The following UPP2 variants were observed in gnomAD, a reference collection of about 807,000 sequenced individuals.
UPP2 encodes UPase 2.
In UPP2, 23 loss-of-function variants were observed where a neutral mutation model predicts 26.7. The observed-to-expected ratio is 0.86, with a 90% confidence interval of 0.62 to 1.22. The LOEUF (loss-of-function observed/expected upper bound fraction) is 1.22. UPP2 is among the 50% of genes most tolerant of loss of function. UPP2 has a pLI of 0.00. For synonymous variants in UPP2, 127 were observed against 141.3 expected (o/e 0.90, Z 0.72); for missense variants, 387 against 396.7 (o/e 0.98, Z 0.21).
At chr2:158,115,737 A>G (rs1683416253) in intron 3 of UPP2, among the ~76,000 whole-genome samples, 1 of 152,224 alleles carries the variant, frequency 6.6e-6, no homozygotes, top group South Asian at 2.1e-4. Flanking sequence ...GTGAACAGTT[A>G]TGGAAGCACA....
intron 1 of UPP2, among the ~76,000 whole-genome samples, chr2:158,104,975 GGGAAGAGAAGGGAA>G (rs1201260898): frequency 6.4e-5 from 4 of 62,438 alleles, no homozygotes; most frequent in African/African-American, 3.0e-4. Flanking sequence ...GGGAAGGGAA[GGGAAGAGAAGGGAA>G]GGGAAGGGAG....
At chr2:158,102,227 C>CT in intron 1 of UPP2, 102 bp downstream of exon 1, 1 of 1,267,336 alleles carries the variant, frequency 7.9e-7, no homozygotes. Context: ...AAGCAAATTT[C>CT]TTAAATGTAG....
At chr2:158,114,970 A>G (rs1357630148) in intron 2 of UPP2, 131 bp from the exon 3 acceptor site, 2 of 854,068 alleles carry the variant, frequency 2.3e-6, no homozygotes, top group Non-Finnish European at 3.2e-6. Flanking sequence ...TTCATGGAAC[A>G]TAAACCATGA....
At chr2:158,032,698 G>A (rs150793703) in intron 3 of UPP2, among the ~76,000 whole-genome samples, 2 of 152,300 alleles carry the variant, frequency 1.3e-5, no homozygotes, top group African/African-American at 4.8e-5. Context: ...GTCTGGGACA[G>A]AGGAGGATTT....
Position 158,104,979 on chromosome 2 carries a change from A to AGG in UPP2, c.63-1119_63-1118insGG, listed in dbSNP as rs1558932154. On this transcript the variant is annotated intron_variant, in intron 1 of 6. Transcript: ENST00000005756. ...AGGGAAGGGAAGGGAAGGGAAGGGAAGAGAAGGGAAGGGAAGGGAGGGGAG... is the reference window on the plus strand; with the variant it reads ...AGGGAAGGGAAGGGAAGGGAAGGGAAGGGAGAAGGGAAGGGAAGGGAGGGGAG... Among the ~76,000 whole-genome samples the AGG allele has an allele frequency of 6.0e-3, 264 of 43,814 alleles. 6 individuals carry two copies. The highest frequency in any genetic ancestry group is 0.018 in the Middle Eastern group (1 of 56). The allele number at this position is 43,814 out of a possible 152,430, so 28.7% of individuals were successfully genotyped here.
intron 2 of UPP2, among the ~76,000 whole-genome samples, chr2:158,006,193 C>T (rs1444897401): frequency 1.3e-5 from 2 of 152,232 alleles, no homozygotes; most frequent in Non-Finnish European, 2.9e-5. Context: ...GGCACGGTGG[C>T]TCACGCCTGT....
intron 3 of UPP2, among the ~76,000 whole-genome samples, chr2:158,059,122 G>A (rs963172889): frequency 6.6e-6 from 1 of 152,188 alleles, no homozygotes; most frequent in Non-Finnish European, 1.5e-5. Context: ...AGATATCCAT[G>A]TTCCATTGCC....
rs184234702 is a variant in UPP2 at position 158,108,359 on chromosome 2, C to A, written c.180+2143C>A. On this transcript the variant is annotated intron_variant, in intron 2 of 6. Transcript: ENST00000005756. ...TTTGTCTGTAATAGGCACAACACAGCTGGTAAGTCAAATAGCTGAGATTAA... is the reference window on the plus strand; with the variant it reads ...TTTGTCTGTAATAGGCACAACACAGATGGTAAGTCAAATAGCTGAGATTAA... 2.5e-3 allele frequency among the ~76,000 whole-genome samples: 376 copies of A among 152,154 alleles called. 1 individual carries two copies. The highest frequency in any genetic ancestry group is 8.4e-3 in the African/African-American group (350 of 41,506).
chr2:158,131,335 C>T (rs1683814738), intron 6 of UPP2, among the ~76,000 whole-genome samples: 1 of 152,100 alleles, frequency 6.6e-6, no homozygotes, highest in African/African-American at 2.4e-5. Context: ...CATGGGAAAA[C>T]CTTGTTGAAA....
At chr2:158,074,634 T>G (rs1411977484) in intron 3 of UPP2, among the ~76,000 whole-genome samples, 1 of 128,686 alleles carries the variant, frequency 7.8e-6, no homozygotes, top group Non-Finnish European at 1.6e-5. Flanking sequence ...CCAGAGAAAA[T>G]CACCTTTAGT....
rs536799251 is a variant in UPP2 at position 158,018,214 on chromosome 2, C to T, written c.147+2328C>T. Among the ~76,000 whole-genome samples the T allele has an allele frequency of 1.8e-4, 27 of 152,266 alleles. No homozygotes were observed. In the South Asian group the frequency reaches 4.8e-3, roughly 27 times the overall value. ...AGTTTTAGTGACTAAATAAAAGCTC[C>T]GCTTCCTGTGATATCCCAAGAAATA... is the stretch of plus-strand genomic sequence containing the variant. On this transcript the variant is annotated intron_variant, in intron 3 of 9. Transcript: ENST00000605860.
intron 3 of UPP2, among the ~76,000 whole-genome samples, chr2:158,061,825 G>A (rs1488457060): frequency 1.3e-5 from 2 of 152,210 alleles, no homozygotes; most frequent in South Asian, 2.1e-4. Flanking sequence ...GACCCATATC[G>A]CCTTTGCGTG....
chr2:158,090,418 G>A (rs997911589), intron 3 of UPP2, among the ~76,000 whole-genome samples: 5 of 151,988 alleles, frequency 3.3e-5, no homozygotes, highest in Admixed American at 2.6e-4. Flanking sequence ...GGAGAATGGC[G>A]TGAACCCGGG....
At chr2:158,047,813 C>T (rs1684178040) in intron 3 of UPP2, among the ~76,000 whole-genome samples, 1 of 152,176 alleles carries the variant, frequency 6.6e-6, no homozygotes, top group South Asian at 2.1e-4. Context: ...TGAACATATA[C>T]TATATGCCAG....
At chr2:158,017,975 C>T (rs1288434708) in intron 3 of UPP2, among the ~76,000 whole-genome samples, 1 of 152,176 alleles carries the variant, frequency 6.6e-6, no homozygotes, top group African/African-American at 2.4e-5. Flanking sequence ...ACAATGAATA[C>T]AGTTTGGTCT....
chr2:158,083,714 AT>A (rs943701770), intron 3 of UPP2, among the ~76,000 whole-genome samples: 3 of 151,610 alleles, frequency 2.0e-5, no homozygotes, highest in African/African-American at 7.3e-5. Flanking sequence ...TTAAAAAAAA[AT>A]ATAATTGTCT....
chr2:158,021,914 TATC>T (rs1221089845), intron 3 of UPP2, among the ~76,000 whole-genome samples: 1 of 152,200 alleles, frequency 6.6e-6, no homozygotes, highest in Non-Finnish European at 1.5e-5. Context: ...ATCAGATCAT[TATC>T]ATTTCAAGTA....
chr2:158,110,253 TGTTTA>T (rs1236714921), intron 2 of UPP2, among the ~76,000 whole-genome samples: 4 of 151,862 alleles, frequency 2.6e-5, no homozygotes, highest in African/African-American at 9.7e-5. Flanking sequence ...GAACATGCGG[TGTTTA>T]GTTTTTTGTC....
At chr2:158,122,697 C>A (rs1423865424) in intron 5 of UPP2, among the ~76,000 whole-genome samples, 1 of 149,266 alleles carries the variant, frequency 6.7e-6, no homozygotes, top group African/African-American at 2.4e-5. Context: ...TTTGAAATAA[C>A]TAGCATTTAA....
Sources: gnomAD v4.1 joint callset for allele counts (sites outside exome capture counted in the v4.1 genomes callset) on GRCh38, gnomAD v4.1.1 for gene constraint, MANE v1.5 for transcripts, NCBI Gene and HGNC (gene_info 2026-07-23, HGNC 2026-07-21) for gene names.